Variants in AARS1 observed in about 807,000 individuals in gnomAD.
The protein encoded by AARS1 is alanine--tRNA ligase, cytoplasmic.
In AARS1, 72 loss-of-function variants were observed where a neutral mutation model predicts 108.9. The ratio of observed to expected loss-of-function variants is 0.66; its 90% CI spans 0.55 to 0.80. The LOEUF (loss-of-function observed/expected upper bound fraction) is 0.80. Ranked by LOEUF, AARS1 falls within the 30% of genes least tolerant of loss-of-function variation. The probability of loss-of-function intolerance (pLI) is 0.00; values close to 1 mark genes in which losing one functional copy is unlikely to be tolerated. For synonymous variants in AARS1, 489 were observed against 465.7 expected (o/e 1.05, Z -0.64); for missense variants, 1,193 against 1,233.2 (o/e 0.97, Z 0.49).
In AARS1 at chr16:70,262,244, T is replaced by C. The variant is rs2152156537; in HGVS notation, c.1671+102A>G. 3 of 1,390,014 alleles carry C rather than the reference T, an allele frequency of 2.2e-6. No homozygotes were observed. The East Asian group carries it at 6.8e-5, about 32-fold the overall frequency. The allele number at this position is 1,390,014 out of a possible 1,614,324, so 86.1% of individuals were successfully genotyped here. A position where few individuals can be genotyped will look rare whatever the true frequency, so the allele number is the denominator to read the frequency against. ...TACCATGGAACCCAACCCAAAGGTG[T>C]GTCAGGTCTGCTCCCAAGGCCTGGA... On this transcript the variant is annotated intron_variant, in intron 12 of 20. Transcript: ENST00000261772.
chr16:70,255,839 G>GA lies in AARS1; in HGVS notation c.2178-4dup, dbSNP rs1567602041. 3 of 1,611,662 alleles carry GA rather than the reference G, an allele frequency of 1.9e-6. No individual in the cohort carries two copies. The highest frequency in any genetic ancestry group is 3.4e-5 in the Admixed American group (2 of 59,636). ...CATGACTCGAGTTCCGCAGGTGCCT[G>GA]AATGGCAGAACACAAAGTCCATAGT... On this transcript the variant is annotated splice_region_variant and splice_polypyrimidine_tract_variant and intron_variant, in intron 15 of 20. Transcript: ENST00000261772.
chr16:70,264,567 C>T (rs1424813064), intron 11 of AARS1, among the ~76,000 whole-genome samples: 4 of 151,956 alleles, frequency 2.6e-5, no homozygotes, highest in African/African-American at 9.7e-5. Context: ...TCCACCTGCC[C>T]CGGCCTCCCA....
In AARS1 at chr16:70,289,422, T is replaced by C. The variant is rs1350483952; in HGVS notation, c.-23A>G. 10 of 386,890 alleles carry C rather than the reference T, an allele frequency of 2.6e-5. No individual in the cohort carries two copies. Among genetic ancestry groups the C allele is most frequent in the Non-Finnish European group, 5.2e-5 (10 of 192,404 alleles). The allele number at this position is 386,890 out of a possible 1,614,324, so 24.0% of individuals were successfully genotyped here. A position where few individuals can be genotyped will look rare whatever the true frequency, so the allele number is the denominator to read the frequency against. On this transcript the variant is annotated splice_region_variant and 5_prime_UTR_variant, in exon 1 of 21. Transcript: ENST00000261772. ...CAGAGCTCTCCGAGGGCGGCCTACCTCTCCTAGGGTCGCCGTCCCCAGCTC... is the reference window on the plus strand; with the variant it reads ...CAGAGCTCTCCGAGGGCGGCCTACCCCTCCTAGGGTCGCCGTCCCCAGCTC...
intron 11 of AARS1, 120 bp downstream of exon 11, chr16:70,264,838 C>T (rs773415610): frequency 1.7e-5 from 22 of 1,266,408 alleles, no homozygotes; most frequent in Non-Finnish European, 2.3e-5. Flanking sequence ...CGTGACTGTA[C>T]GGCACTCCAG....
At chr16:70,284,079 A>C (rs1960778781) in intron 1 of AARS1, among the ~76,000 whole-genome samples, 1 of 152,124 alleles carries the variant, frequency 6.6e-6, no homozygotes. Flanking sequence ...AGGTGGGTGG[A>C]TCACGAGGTC....
Position 70,284,581 on chromosome 16 carries a change from G to A in AARS1, c.-21-1797C>T, listed in dbSNP as rs138185084. On this transcript the variant is annotated intron_variant, in intron 1 of 20. Transcript: ENST00000261772. ...CATGCCACTGCACTCCAGCCTGGGC[G>A]ACAGAGACCTTGTGTCAACAAACAA... Among the ~76,000 whole-genome samples the A allele has an allele frequency of 4.1e-3, 631 of 152,288 alleles. 2 individuals are homozygous for A. The highest frequency in any genetic ancestry group is 0.01 in the Middle Eastern group (3 of 294).
intron 12 of AARS1, 151 bp downstream of exon 12, chr16:70,262,195 C>G (rs1227341642): frequency 1.0e-6 from 1 of 962,056 alleles, no homozygotes; most frequent in Non-Finnish European, 1.6e-6. Context: ...CAGGTACAAG[C>G]AACAGCTCCC....
intron 2 of AARS1, among the ~76,000 whole-genome samples, chr16:70,278,988 C>T (rs1254303030): frequency 6.6e-6 from 1 of 152,036 alleles, no homozygotes; most frequent in African/African-American, 2.4e-5. Context: ...TTATTGTACG[C>T]GAAGGACACA....
intron 11 of AARS1, among the ~76,000 whole-genome samples, chr16:70,263,841 T>C (rs1033592378): frequency 6.6e-6 from 1 of 152,002 alleles, no homozygotes; most frequent in African/African-American, 2.4e-5. Context: ...TTCGCCATGT[T>C]GCCCAGACTG....
intron 4 of AARS1, among the ~76,000 whole-genome samples, chr16:70,274,030 C>T (rs985119504): frequency 1.3e-4 from 19 of 150,622 alleles, no homozygotes; most frequent in African/African-American, 4.1e-4. Context: ...CTCAAAAAAA[C>T]GAAACAAAAA....
At chr16:70,288,700 G>A (rs553002443) in intron 1 of AARS1, among the ~76,000 whole-genome samples, 2 of 151,856 alleles carry the variant, frequency 1.3e-5, no homozygotes, top group South Asian at 2.1e-4. Flanking sequence ...CGGAGTGGCT[G>A]AGAGTACAGG....
chr16:70,281,915 G>T (rs955961208), intron 2 of AARS1, among the ~76,000 whole-genome samples: 1 of 151,942 alleles, frequency 6.6e-6, no homozygotes, highest in African/African-American at 2.4e-5. Context: ...GCTTTGAGAG[G>T]CCGAGGCGGA....
chr16:70,270,424 A>G, intron 5 of AARS1, 84 bp from the exon 6 acceptor site: 6 of 1,566,844 alleles, frequency 3.8e-6, no homozygotes, highest in Non-Finnish European at 4.4e-6. Flanking sequence ...ATTCATTTAC[A>G]GAACAGTTTG....
rs968222534 is a variant in AARS1, at chr16:70,261,074, C to A, written c.1755G>T (p.Val585=). The change falls in exon 13 of 21, where the codon GTG becomes GTT. Residue 585 remains valine, a synonymous_variant. Transcript: ENST00000261772. Reference sequence around the variant, plus strand: ...CAATAAACAGCCAGACCTGATCCCCCACTTTCAGGTCACCGTAGATGGTTC... The same window carrying A: ...CAATAAACAGCCAGACCTGATCCCCAACTTTCAGGTCACCGTAGATGGTTC... ...HIGTIYGDLK[V]GDQVWLFIDE... The A allele has an allele frequency of 1.9e-6, 3 of 1,613,772 alleles. No homozygotes were observed. The highest frequency in any genetic ancestry group is 2.2e-5 in the East Asian group (1 of 44,870).
intron 13 of AARS1, among the ~76,000 whole-genome samples, chr16:70,260,478 A>G (rs1960106221): frequency 6.6e-6 from 1 of 152,176 alleles, no homozygotes; most frequent in Non-Finnish European, 1.5e-5. Flanking sequence ...TTGGCTCCCA[A>G]AGAAGTAGGT....
chr16:70,281,049 C>T (rs944095399), intron 2 of AARS1, among the ~76,000 whole-genome samples: 2 of 152,126 alleles, frequency 1.3e-5, no homozygotes, highest in Admixed American at 6.6e-5. Context: ...AGGCTGGTCT[C>T]GAACTTCTGG....
chr16:70,268,904 T>C (rs1414298920), intron 7 of AARS1, among the ~76,000 whole-genome samples: 10 of 152,184 alleles, frequency 6.6e-5, no homozygotes, highest in Admixed American at 2.6e-4. Flanking sequence ...TAACGAAAGA[T>C]GGCTTTAAGT....
intron 7 of AARS1, among the ~76,000 whole-genome samples, chr16:70,269,355 AAAAAAC>A: frequency 1.8e-5 from 2 of 108,562 alleles, no homozygotes; most frequent in African/African-American, 7.1e-5. Context: ...AAAAAAAAAA[AAAAAAC>A]AACCGTCTCT....
At chr16:70,286,958 A>G (rs1437404152) in intron 1 of AARS1, among the ~76,000 whole-genome samples, 4 of 149,922 alleles carry the variant, frequency 2.7e-5, no homozygotes, top group Non-Finnish European at 5.9e-5. Flanking sequence ...TCTACTAAAA[A>G]TACAAAAATT....
Sources: gnomAD v4.1 joint callset for allele counts (sites outside exome capture counted in the v4.1 genomes callset) on GRCh38, gnomAD v4.1.1 for gene constraint, MANE v1.5 for transcripts, NCBI Gene and HGNC (gene_info 2026-07-23, HGNC 2026-07-21) for gene names.